Variants in SZT2 observed in about 807,000 individuals in gnomAD.
SZT2 encodes SZT2 subunit of KICSTOR complex, also known as KICSTOR complex protein SZT2.
A neutral mutation model predicts 404.2 loss-of-function variants in SZT2; 216 were observed. That is an observed-to-expected ratio of 0.53 (90% CI 0.48 to 0.60). The LOEUF (loss-of-function observed/expected upper bound fraction) is 0.60. Among genes scored for constraint, SZT2 ranks in the 20% least tolerant of loss-of-function variants. The pLI, the probability that SZT2 is intolerant of heterozygous loss-of-function variation, is 0.00. For synonymous variants in SZT2, 1,693 were observed against 1,749.9 expected (o/e 0.97, Z 0.81); for missense variants, 3,857 against 4,459.2 (o/e 0.86, Z 3.85).
Position 43,425,675 on chromosome 1 carries a change from C to G in SZT2, c.2814+33C>G, listed in dbSNP as rs368097994. The G allele has an allele frequency of 1.2e-6, 2 of 1,610,094 alleles. No individual in the cohort carries two copies. The highest frequency in any genetic ancestry group is 8.5e-7 in the Non-Finnish European group (1 of 1,177,710). On this transcript the variant is annotated intron_variant, in intron 19 of 71. Transcript: ENST00000634258. The surrounding 1 kb of genome is among the most constrained non-coding windows in gnomAD (Gnocchi z 4.3). ...TCCTCAGAACAGTACCCGCACCTCT[C>G]TCACTGGATTGGGGTGCCATCTCTT... is the stretch of plus-strand genomic sequence containing the variant.
intron 4 of SZT2, chr1:43,406,298 A>G (rs571959143): frequency 4.4e-4 from 122 of 276,716 alleles, no homozygotes; most frequent in African/African-American, 2.7e-3. Flanking sequence ...GGGTTTCACC[A>G]TGTTGGCCAG....
intron 52 of SZT2, among the ~76,000 whole-genome samples, chr1:43,440,973 T>C (rs1654998518): frequency 6.6e-6 from 1 of 152,232 alleles, no homozygotes; most frequent in African/African-American, 2.4e-5. Flanking sequence ...GTGCCTTCAC[T>C]TCCATTTTTC....
In SZT2 at chr1:43,426,758, G is replaced by A. The variant is rs1252451879; in HGVS notation, c.3258G>A (p.Glu1086=). 6.2e-7 allele frequency: 1 copy of A among 1,613,694 alleles called. No individual in the cohort carries two copies. ...TGGGGGTTCATGGGATCCCGAAGGA[G>A]CAAGCAGTCGGCAGCACCCAGGCCA... ...PLLGVHGIPK[E]QAVGSTQATG... is the part of the protein sequence containing the mutation. Residue 1086 remains glutamate, a synonymous_variant, in exon 23 of 72, where the codon GAG becomes GAA. Transcript: ENST00000634258. This position sits in a 1 kb window ranked among gnomAD's most constrained non-coding sequence, Gnocchi z 4.9.
At chr1:43,400,027 C>G (rs1245974214) in intron 1 of SZT2, among the ~76,000 whole-genome samples, 1 of 152,086 alleles carries the variant, frequency 6.6e-6, no homozygotes, top group Non-Finnish European at 1.5e-5. Context: ...CAGCCTCAAC[C>G]TCCCAGACTT....
Position 43,452,315 on chromosome 1 carries a change from G to A in SZT2, c.*1835G>A, listed in dbSNP as rs144887059. The A allele has an allele frequency of 3.5e-5, 56 of 1,612,894 alleles. No individual in the cohort carries two copies. Among genetic ancestry groups the A allele is most frequent in the Non-Finnish European group, 4.4e-5 (52 of 1,179,288 alleles). Reference sequence around the variant, plus strand: ...TGGGGTACTCGGCCAGCCATCAGGTGGATCCTGTGGGGAAGATGGACTGGA... The same window carrying A: ...TGGGGTACTCGGCCAGCCATCAGGTAGATCCTGTGGGGAAGATGGACTGGA... On this transcript the variant is annotated 3_prime_UTR_variant, in exon 72 of 72. Coordinates refer to ENST00000634258, the MANE Select transcript of SZT2 (RefSeq NM_001365999.1).
Position 43,448,041 on chromosome 1 carries a change from C to A in SZT2, c.9564-38C>A. The A allele has an allele frequency of 6.2e-7, 1 of 1,608,202 alleles. No homozygotes were observed. The highest frequency in any genetic ancestry group is 8.5e-7 in the Non-Finnish European group (1 of 1,176,042). Reference sequence around the variant, plus strand: ...CCCACCCTGCCCTGTGTGTCTCTTGCTACAACCACCACTCTCCTGCCCTGC... The same window carrying A: ...CCCACCCTGCCCTGTGTGTCTCTTGATACAACCACCACTCTCCTGCCCTGC... On this transcript the variant is annotated intron_variant, in intron 68 of 71. Transcript: ENST00000634258. The surrounding 1 kb of genome is among the most constrained non-coding windows in gnomAD (Gnocchi z 4.2).
chr1:43,443,780 C>G lies in SZT2; in HGVS notation c.8809C>G (p.Pro2937Ala), dbSNP rs751851970. 3 of 1,613,628 alleles carry G rather than the reference C, an allele frequency of 1.9e-6. No individual in the cohort carries two copies. Among genetic ancestry groups the G allele is most frequent in the South Asian group, 2.2e-5 (2 of 91,052 alleles). The change falls in exon 62 of 72, where the codon CCC (proline) becomes GCC (alanine). Residue 2937 changes from proline to alanine, a missense_variant. Physicochemically the swap from Pro to Ala is conservative, Grantham distance 27. This residue lies in a region of SZT2 where 717 missense variants were observed against 868.2 expected (regional missense o/e 0.83). Coordinates refer to ENST00000634258, the MANE Select transcript of SZT2 (RefSeq NM_001365999.1). ...TTTTGTGCTGGTACCACTGCGGCCC[C>G]CCTCACCCGCCCGCAGGTGAGCCCG... Reference protein sequence around the residue: ...IGFVLVPLRPPSPARSTSRPR... With the variant: ...IGFVLVPLRPASPARSTSRPR...
chr1:43,409,519 C>T (rs1361450055), intron 4 of SZT2: 1 of 387,072 alleles, frequency 2.6e-6, no homozygotes, highest in Admixed American at 3.2e-5. Flanking sequence ...TTTGGAAAAA[C>T]CTAATGGCTC....
Position 43,437,392 on chromosome 1 carries a change from T to G in SZT2, c.6188-14T>G. The G allele has an allele frequency of 6.2e-7, 1 of 1,614,118 alleles. No homozygotes were observed. Among genetic ancestry groups the G allele is most frequent in the South Asian group, 1.1e-5 (1 of 91,078 alleles). On this transcript the variant is annotated splice_polypyrimidine_tract_variant and intron_variant, in intron 43 of 71. Transcript: ENST00000634258. This position sits in a 1 kb window ranked among gnomAD's most constrained non-coding sequence, Gnocchi z 5.3. ...TGGAAAAGGCAGTTTCCTGAGCCCA[T>G]GTTATTCCCCCAGCCATCCAGGCCC... is the stretch of plus-strand genomic sequence containing the variant.
At chr1:43,431,422 T>C (rs1653860418) in intron 34 of SZT2, 38 bp from the exon 35 acceptor site, 19 of 1,613,982 alleles carry the variant, frequency 1.2e-5, no homozygotes, top group Non-Finnish European at 1.6e-5. Context: ...TCAATTTCAT[T>C]TTCTGGAAAC....
Position 43,424,529 on chromosome 1 carries a change from C to CT in SZT2, c.2471+98dup, listed in dbSNP as rs140001561. On this transcript the variant is annotated intron_variant, in intron 16 of 71. Transcript: ENST00000634258. The surrounding 1 kb of genome is among the most constrained non-coding windows in gnomAD (Gnocchi z 4.1). ...AGCCTATAGCACACACTTCTCCTCT[C>CT]TAATTCCCAGTCTGAAGTATAGAGC... 5.7e-4 allele frequency: 716 copies of CT among 1,262,262 alleles called. 11 individuals are homozygous for CT. The African/African-American group carries it at 9.8e-3, about 17-fold the overall frequency. The allele number at this position is 1,262,262 out of a possible 1,614,324, so 78.2% of individuals were successfully genotyped here.
intron 4 of SZT2, among the ~76,000 whole-genome samples, chr1:43,411,625 C>T (rs892158022): frequency 6.6e-6 from 1 of 152,258 alleles, no homozygotes; most frequent in East Asian, 1.9e-4. Flanking sequence ...CTCACCCAGC[C>T]CCATCAAGTG....
chr1:43,423,148 G>C lies in SZT2; in HGVS notation c.2087G>C (p.Arg696Pro), dbSNP rs777893030. 2.1e-5 allele frequency: 34 copies of C among 1,596,898 alleles called. No homozygotes were observed. Among genetic ancestry groups the C allele is most frequent in the Non-Finnish European group, 2.9e-5 (34 of 1,179,222 alleles). Reference protein sequence around the residue: ...EEILRLRFPHRVQSKEPTPKV... With the variant: ...EEILRLRFPHPVQSKEPTPKV... ...ATCCTGCGGCTGCGTTTCCCCCACC[G>C]GGTACAAAGCAAGGAGCCAACGCCC... Residue 696 changes from arginine (R) to proline (P), a missense_variant, in exon 15 of 72, where the codon CGG becomes CCG. Arg to Pro is a moderately radical substitution (Grantham distance 103, BLOSUM62 -2). This residue lies in a region of SZT2 where 1,725 missense variants were observed against 1,881.0 expected (regional missense o/e 0.92). Coordinates refer to ENST00000634258, the MANE Select transcript of SZT2 (RefSeq NM_001365999.1).
At position 43,426,126 on chromosome 1, in the gene SZT2, G is replaced by A. The variant is rs200693689; in HGVS notation, c.3018G>A (p.Gln1006=). 41 of 1,614,170 alleles carry A rather than the reference G, an allele frequency of 2.5e-5. No homozygotes were observed. In the Admixed American group the frequency reaches 6.7e-4, roughly 26 times the overall value. Residue 1006 remains glutamine (Q), a synonymous_variant, in exon 21 of 72, where the codon CAG becomes CAA. Coordinates refer to ENST00000634258, the MANE Select transcript of SZT2 (RefSeq NM_001365999.1). This position sits in a 1 kb window ranked among gnomAD's most constrained non-coding sequence, Gnocchi z 4.9. ...MGLLPQCQQL[Q]MFFLLLAREP... ...TGCTGCCACAGTGCCAGCAGCTCCAGATGTTCTTCCTCTTGCTTGCCAGAG... is the reference window on the plus strand; with the variant it reads ...TGCTGCCACAGTGCCAGCAGCTCCAAATGTTCTTCCTCTTGCTTGCCAGAG...
intron 1 of SZT2, among the ~76,000 whole-genome samples, chr1:43,395,068 CA>C (rs1648829517): frequency 6.6e-6 from 1 of 151,982 alleles, no homozygotes; most frequent in South Asian, 2.1e-4. Context: ...GTCCATCATT[CA>C]AAATAACCTT....
At chr1:43,436,993 C>G in intron 42 of SZT2, 178 bp from the exon 43 acceptor site, 1 of 733,698 alleles carries the variant, frequency 1.4e-6, no homozygotes, top group Admixed American at 2.8e-5. Flanking sequence ...GACCTGTGTT[C>G]CTAAGGGCAT....
chr1:43,425,710 T>C lies in SZT2; in HGVS notation c.2814+68T>C, dbSNP rs1370407233. The C allele has an allele frequency of 6.2e-7, 1 of 1,600,806 alleles. No homozygotes were observed. The highest frequency in any genetic ancestry group is 8.5e-7 in the Non-Finnish European group (1 of 1,171,668). ...TGGGGTGCCATCTCTTTTGGAGTAC[T>C]GCAGTCTGTGGGCTTCCTGGTCCCT... On this transcript the variant is annotated intron_variant, in intron 19 of 71. Coordinates refer to ENST00000634258, the MANE Select transcript of SZT2 (RefSeq NM_001365999.1). The surrounding 1 kb of genome is among the most constrained non-coding windows in gnomAD (Gnocchi z 4.3).
At position 43,430,622 on chromosome 1, in the gene SZT2, CTG is replaced by C. The variant is rs1180634449; in HGVS notation, c.4610_4611del (p.Val1537GlufsTer3). On this transcript the variant is annotated frameshift_variant, in exon 32 of 72. Transcript: ENST00000634258. LOFTEE classifies it high-confidence loss of function. ...TCTGCCTCGCTGTCAGACGTAGACA[CTG>C]TGAATCCTGATGAAGACTCCTTCAG... The C allele has an allele frequency of 1.2e-6, 2 of 1,614,212 alleles. No homozygotes were observed. Among genetic ancestry groups the C allele is most frequent in the East Asian group, 2.2e-5 (1 of 44,882 alleles).
In SZT2 at chr1:43,448,028, T is replaced by C; in HGVS notation, c.9564-51T>C. ...TTTCCCAGCCTGCCCCACCCTGCCC[T>C]GTGTGTCTCTTGCTACAACCACCAC... is the stretch of plus-strand genomic sequence containing the variant. On this transcript the variant is annotated intron_variant, in intron 68 of 71. Coordinates refer to ENST00000634258, the MANE Select transcript of SZT2 (RefSeq NM_001365999.1). The surrounding 1 kb of genome is among the most constrained non-coding windows in gnomAD (Gnocchi z 4.2). 6.2e-7 allele frequency: 1 copy of C among 1,610,242 alleles called. No homozygotes were observed.
Sources: allele counts gnomAD v4.1 joint callset (sites outside exome capture counted in the v4.1 genomes callset), GRCh38; gene constraint gnomAD v4.1.1; regional missense constraint gnomAD v4.1.1; non-coding constraint Gnocchi (gnomAD v3.1); transcripts MANE v1.5; gene names NCBI Gene and HGNC (gene_info 2026-07-23, HGNC 2026-07-21).